Variants in GSTP1 observed in about 807,000 individuals in gnomAD.
GSTP1 encodes glutathione S-transferase P.
GSTP1 carries 28 observed loss-of-function variants against 29.4 expected under a neutral mutation model. The observed-to-expected ratio is 0.95, with a 90% confidence interval of 0.71 to 1.30. The LOEUF is 1.30. Among genes scored for constraint, GSTP1 ranks in the 50% most tolerant of loss-of-function variants. The pLI is 0.00. For missense variants in GSTP1, 267 were observed against 266.1 expected (o/e 1.00, Z -0.02); for synonymous variants, 122 against 117.0 (o/e 1.04, Z -0.28).
At chr11:67,585,662 T>C (rs80107166) in intron 5 of GSTP1, among the ~76,000 whole-genome samples, 2,840 of 150,648 alleles carry the variant, frequency 0.019, 96 homozygotes, top group African/African-American at 0.067. Flanking sequence ...AGGCAGCGTG[T>C]GTGCGCGTGC....
intron 6 of GSTP1, 27 bp from the exon 7 acceptor site, chr11:67,586,362 T>C (rs971056217): frequency 8.1e-6 from 13 of 1,600,538 alleles, no homozygotes; most frequent in African/African-American, 8.0e-5. Flanking sequence ...TCCCGCTGGC[T>C]GAGTCCCTGG....
Position 67,586,541 on chromosome 11 carries a change from C to G in GSTP1, c.597C>G (p.Tyr199Ter). Residue 199 changes from tyrosine (Y) to a stop codon, truncating the protein, a stop_gained, in exon 7 of 7, where the codon TAC becomes TAG. Transcript: ENST00000398606. LOFTEE classifies it high-confidence loss of function. ...AGGCCTTCCTGGCCTCCCCTGAGTA[C>G]GTGAACCTCCCCATCAATGGCAACG... ...KLKAFLASPE[Y>*]VNLPINGNGK... 6.2e-7 allele frequency: 1 copy of G among 1,613,798 alleles called. No homozygotes were observed. Among genetic ancestry groups the G allele is most frequent in the Non-Finnish European group, 8.5e-7 (1 of 1,179,818 alleles).
At chr11:67,584,066 C>T in intron 1 of GSTP1, 68 bp from the exon 2 acceptor site, 1 of 1,300,054 alleles carries the variant, frequency 7.7e-7, no homozygotes, top group Non-Finnish European at 1.1e-6. Context: ...GGAGGGGGGG[C>T]AGACTGCGCT....
At position 67,586,502 on chromosome 11, in the gene GSTP1, C is replaced by T. The variant is rs1345880685; in HGVS notation, c.558C>T (p.Ala186=). 1 of 1,614,196 alleles carries T rather than the reference C, an allele frequency of 6.2e-7. No individual in the cohort carries two copies. ...LLSAYVGRLS[A]RPKLKAFLAS... ...CAGCATATGTGGGGCGCCTCAGTGC[C>T]CGGCCCAAGCTCAAGGCCTTCCTGG... is the stretch of plus-strand genomic sequence containing the variant. Residue 186 remains alanine (A), a synonymous_variant, in exon 7 of 7, where the codon GCC becomes GCT. Coordinates refer to ENST00000398606, the MANE Select transcript of GSTP1 (RefSeq NM_000852.4).
rs751767113 is a variant in GSTP1 at position 67,584,180 on chromosome 11, G to A, written c.37+11G>A. The A allele has an allele frequency of 5.6e-6, 9 of 1,608,474 alleles. No individual in the cohort carries two copies. The highest frequency in any genetic ancestry group is 6.8e-6 in the Non-Finnish European group (8 of 1,175,028). On this transcript the variant is annotated intron_variant, in intron 2 of 6. Transcript: ENST00000398606. ...ATTTCCCAGTTCGAGGTAGGAGCAT[G>A]TGTCTGGCAGGGAAGGGAGGCAGGG...
chr11:67,586,379 T>A lies in GSTP1; in HGVS notation c.445-10T>A. 6.2e-7 allele frequency: 1 copy of A among 1,608,252 alleles called. No homozygotes were observed. The highest frequency in any genetic ancestry group is 1.3e-5 in the African/African-American group (1 of 74,906). Reference sequence around the variant, plus strand: ...CCGCTGGCTGAGTCCCTGGCCCCCCTGCCCTGCAGATCTCCTTCGCTGACT... The same window carrying A: ...CCGCTGGCTGAGTCCCTGGCCCCCCAGCCCTGCAGATCTCCTTCGCTGACT... On this transcript the variant is annotated splice_polypyrimidine_tract_variant and intron_variant, in intron 6 of 6. Transcript: ENST00000398606.
Position 67,585,112 on chromosome 11 carries a change from G to A in GSTP1, c.233-26G>A, listed in dbSNP as rs555922240. ...TGTTGATCAGGCGCCCAGTCACGCG[G>A]CCTGCTCCCCTCCACCCAACCCCAG... On this transcript the variant is annotated intron_variant, in intron 4 of 6. Coordinates refer to ENST00000398606, the MANE Select transcript of GSTP1 (RefSeq NM_000852.4). 19 of 1,479,022 alleles carry A rather than the reference G, an allele frequency of 1.3e-5. 1 individual carries two copies. In the Admixed American group the frequency reaches 2.2e-4, roughly 17 times the overall value. 91.6% of individuals were successfully genotyped at this position (1,479,022 alleles called of 1,614,324 possible). A position where few individuals can be genotyped will look rare whatever the true frequency, so the allele number is the denominator to read the frequency against.
rs4986948 is a variant in GSTP1, at chr11:67,585,234, C to G, written c.329C>G (p.Thr110Ser). 174 of 1,598,036 alleles carry G rather than the reference C, an allele frequency of 1.1e-4. No individual in the cohort carries two copies. The Middle Eastern group carries it at 2.6e-3, about 24-fold the overall frequency. Reference protein sequence around the residue: ...LRCKYISLIYTNYEAGKDDYV... With the variant: ...LRCKYISLIYSNYEAGKDDYV... Reference sequence around the variant, plus strand: ...TGCAAATACATCTCCCTCATCTACACCAACTATGTGAGCATCTGCACCAGG... The same window carrying G: ...TGCAAATACATCTCCCTCATCTACAGCAACTATGTGAGCATCTGCACCAGG... The change falls in exon 5 of 7, where the codon ACC becomes AGC. Residue 110 changes from threonine to serine, a missense_variant. Transcript: ENST00000398606.
chr11:67,585,288 G>C (rs942442022), intron 5 of GSTP1, 47 bp downstream of exon 5: 1 of 1,306,054 alleles, frequency 7.7e-7, no homozygotes, highest in East Asian at 2.3e-5. Context: ...AACAAAGAAA[G>C]GGGCTTCTTG....
chr11:67,584,238 C>G, intron 2 of GSTP1, 69 bp downstream of exon 2: 1 of 1,235,704 alleles, frequency 8.1e-7, no homozygotes, highest in Non-Finnish European at 1.2e-6. Context: ...CCTCGCCCAC[C>G]CGGAGAGATC....
At chr11:67,584,386 C>T (rs1005204809) in intron 2 of GSTP1, 78 bp from the exon 3 acceptor site, 5 of 786,044 alleles carry the variant, frequency 6.4e-6, no homozygotes, top group Non-Finnish European at 6.2e-6. Flanking sequence ...TCCCTCCCTG[C>T]ACTCCTGACC....
At chr11:67,585,673 GTGTGCA>G (rs1393234174) in intron 5 of GSTP1, among the ~76,000 whole-genome samples, 1 of 148,262 alleles carries the variant, frequency 6.7e-6, no homozygotes, top group Non-Finnish European at 1.5e-5. Flanking sequence ...GTGCGCGTGC[GTGTGCA>G]TGTGTGTGCG....
chr11:67,584,499 C>A lies in GSTP1; in HGVS notation c.73C>A (p.Gln25Lys). 1 of 1,564,278 alleles carries A rather than the reference C, an allele frequency of 6.4e-7. No homozygotes were observed. The highest frequency in any genetic ancestry group is 8.7e-7 in the Non-Finnish European group (1 of 1,154,946). ...GGCCCTGCGCATGCTGCTGGCAGATCAGGGCCAGAGCTGGAAGGAGGAGGT... is the reference window on the plus strand; with the variant it reads ...GGCCCTGCGCATGCTGCTGGCAGATAAGGGCCAGAGCTGGAAGGAGGAGGT... ...CAALRMLLAD[Q>K]GQSWKEEVVT... is the part of the protein sequence containing the mutation. Residue 25 changes from glutamine to lysine, a missense_variant, in exon 3 of 7, where the codon CAG becomes AAG. Gln to Lys is a moderately conservative substitution (Grantham distance 53). Transcript: ENST00000398606.
intron 1 of GSTP1, 67 bp downstream of exon 1, chr11:67,583,911 G>A: frequency 4.3e-6 from 3 of 689,660 alleles, no homozygotes; most frequent in Non-Finnish European, 2.7e-6. Context: ...CCAACCCGCA[G>A]CATCAGGCCC....
rs8191450 is a variant in GSTP1, at chr11:67,585,882, A to G, written c.337-222A>G. On this transcript the variant is annotated intron_variant, in intron 5 of 6. Transcript: ENST00000398606. ...AGGATCCTCCAGAGAAGCCAGCTCT[A>G]AAGCTTTTGCAATCATCTGGTGAGA... 9.6e-3 allele frequency among the ~76,000 whole-genome samples: 1,461 copies of G among 152,214 alleles called. 24 individuals are homozygous for G. The highest frequency in any genetic ancestry group is 0.033 in the African/African-American group (1,388 of 41,516).
intron 2 of GSTP1, 146 bp downstream of exon 2, chr11:67,584,315 C>A (rs1329929635): frequency 4.1e-6 from 3 of 731,218 alleles, no homozygotes; most frequent in African/African-American, 3.6e-5. Context: ...CCGCCTCTCC[C>A]GCCATGCCTG....
Position 67,585,190 on chromosome 11 carries a change from C to G in GSTP1, c.285C>G (p.Asp95Glu), listed in dbSNP as rs541625725. ...CAGCCCTGGTGGACATGGTGAATGA[C>G]GGCGTGGAGGACCTCCGCTGCAAAT... ...QEAALVDMVN[D>E]GVEDLRCKYI... is the part of the protein sequence containing the mutation. Residue 95 changes from aspartate (D) to glutamate (E), a missense_variant, in exon 5 of 7, where the codon GAC becomes GAG. Coordinates refer to ENST00000398606, the MANE Select transcript of GSTP1 (RefSeq NM_000852.4). 6.2e-7 allele frequency: 1 copy of G among 1,613,668 alleles called. No individual in the cohort carries two copies. Among genetic ancestry groups the G allele is most frequent in the Non-Finnish European group, 8.5e-7 (1 of 1,179,640 alleles).
intron 4 of GSTP1, 123 bp from the exon 5 acceptor site, chr11:67,585,015 A>G (rs1006607124): frequency 1.5e-6 from 1 of 670,370 alleles, no homozygotes; most frequent in Non-Finnish European, 2.6e-6. Flanking sequence ...CCTTCCACGC[A>G]CATCCTCTTC....
Position 67,586,652 on chromosome 11 carries a change from T to C in GSTP1, c.*75T>C, listed in dbSNP as rs778220050. 2.1e-5 allele frequency: 27 copies of C among 1,285,326 alleles called. No individual in the cohort carries two copies. Among genetic ancestry groups the C allele is most frequent in the Non-Finnish European group, 2.9e-5 (27 of 924,024 alleles). The allele number at this position is 1,285,326 out of a possible 1,614,324, so 79.6% of individuals were successfully genotyped here. ...GGACCAATAAAATTTCTAAGAGAGC[T>C]ACTATGAGCACTGTGTTTCCTGGGA... On this transcript the variant is annotated 3_prime_UTR_variant, in exon 7 of 7. Transcript: ENST00000398606.
Sources: allele counts gnomAD v4.1 joint callset (sites outside exome capture counted in the v4.1 genomes callset), GRCh38; gene constraint gnomAD v4.1.1; transcripts MANE v1.5; gene names NCBI Gene and HGNC (gene_info 2026-07-23, HGNC 2026-07-21).